The following RFC4 variants were observed in gnomAD, a reference collection of about 807,000 sequenced individuals.
RFC4 encodes the protein replication factor C subunit 4, also known as A1 37 kDa subunit.
Under a neutral mutation model 47.6 loss-of-function variants are expected in RFC4, and 38 were observed. The observed-to-expected ratio is 0.80, with a 90% CI of 0.62 to 1.05. The LOEUF (loss-of-function observed/expected upper bound fraction) is 1.05, where lower values mean the gene tolerates loss of function less well. Ranked by LOEUF, RFC4 falls within the 50% of genes least tolerant of loss-of-function variation. The pLI is 0.00. For synonymous variants in RFC4, 164 were observed against 150.0 expected (o/e 1.09, Z -0.68); for missense variants, 489 against 434.0 (o/e 1.13, Z -1.13).
In RFC4 at chr3:186,789,938, TTACAAAACCCCCCATCCAGATATATTCA is replaced by T. The variant is rs767424380; in HGVS notation, c.*3_*30del. 21 of 1,346,050 alleles carry T rather than the reference TTACAAAACCCCCCATCCAGATATATTCA, an allele frequency of 1.6e-5. No individual in the cohort carries two copies. The highest frequency in any genetic ancestry group is 2.2e-5 in the Non-Finnish European group (21 of 947,772). 83.4% of individuals were successfully genotyped at this position (1,346,050 alleles called of 1,614,324 possible). On this transcript the variant is annotated 3_prime_UTR_variant, in exon 11 of 11. Coordinates refer to ENST00000296273, the MANE Select transcript of RFC4 (RefSeq NM_002916.5). ...TTTATTTTTATTACAACTTCATTAT[TTACAAAACCCCCCATCCAGATATATTCA>T]CGTTAACAATTCTGAGATAACTGCT... is the stretch of plus-strand genomic sequence containing the variant.
chr3:186,790,541 G>A lies in RFC4; in HGVS notation c.802-135C>T. ...ATACTTTCCTGGGAAGGCTTTGGGAGAACGGAAAGGGCCAGAGTAACTCCA... is the reference window on the plus strand; with the variant it reads ...ATACTTTCCTGGGAAGGCTTTGGGAAAACGGAAAGGGCCAGAGTAACTCCA... On this transcript the variant is annotated intron_variant, in intron 8 of 10. Coordinates refer to ENST00000296273, the MANE Select transcript of RFC4 (RefSeq NM_002916.5). The A allele has an allele frequency of 4.3e-6, 3 of 689,702 alleles. No individual in the cohort carries two copies. The South Asian group carries it at 4.9e-5, about 11-fold the overall frequency. The allele number at this position is 689,702 out of a possible 1,614,324, so 42.7% of individuals were successfully genotyped here.
rs758718131 is a variant in RFC4, at chr3:186,791,826, A to C, written c.700T>G (p.Ser234Ala). 2 of 1,612,544 alleles carry C rather than the reference A, an allele frequency of 1.2e-6. No homozygotes were observed. The highest frequency in any genetic ancestry group is 1.7e-6 in the Non-Finnish European group (2 of 1,178,716). ...ATGGCTTTTCTTAAGTCTCCTTCTGACACTTTAACAAGATAAGCTATTCCC... is the reference window on the plus strand; with the variant it reads ...ATGGCTTTTCTTAAGTCTCCTTCTGCCACTTTAACAAGATAAGCTATTCCC... ...DEGIAYLVKV[S>A]EGDLRKAITF... Residue 234 changes from serine to alanine, a missense_variant, in exon 8 of 11, where the codon TCA (serine) becomes GCA (alanine). This residue lies in a region of RFC4 where 283 missense variants were observed against 176.2 expected (regional missense o/e 1.61). Coordinates refer to ENST00000296273, the MANE Select transcript of RFC4 (RefSeq NM_002916.5).
At chr3:186,802,020 T>C (rs1393937900) in intron 2 of RFC4, among the ~76,000 whole-genome samples, 3 of 95,662 alleles carry the variant, frequency 3.1e-5, no homozygotes, top group African/African-American at 1.3e-4. Context: ...CGAAACTTTA[T>C]CTCAAAAAAA....
At chr3:186,792,782 G>C (rs1722169843) in intron 6 of RFC4, 22 bp downstream of exon 6, 1 of 1,591,804 alleles carries the variant, frequency 6.3e-7, no homozygotes, top group Non-Finnish European at 8.5e-7. Flanking sequence ...CCTAGCATCT[G>C]TCTTCAGGGC....
rs140029897 is a variant in RFC4 at position 186,798,479 on chromosome 3, C to A, written c.211-865G>T. ...CCCTCCCTCTTCCTGTCCATTCATT[C>A]TTCACCTAAATCAGATACCACTCTG... On this transcript the variant is annotated intron_variant, in intron 3 of 10. Transcript: ENST00000296273. Among the ~76,000 whole-genome samples the A allele has an allele frequency of 7.2e-5, 11 of 152,178 alleles. No homozygotes were observed. The East Asian group carries it at 2.1e-3, about 29-fold the overall frequency.
At chr3:186,797,668 A>G in intron 3 of RFC4, 54 bp from the exon 4 acceptor site, 1 of 1,277,504 alleles carries the variant, frequency 7.8e-7, no homozygotes, top group Non-Finnish European at 1.1e-6. Context: ...CAAATAGATG[A>G]AAAGGAAGAT....
chr3:186,801,531 G>GA (rs1722352532), intron 2 of RFC4: 1 of 205,394 alleles, frequency 4.9e-6, no homozygotes, highest in Non-Finnish European at 9.9e-6. Context: ...CTAACACAGT[G>GA]AAACCCCGTC....
intron 8 of RFC4, chr3:186,791,487 A>C (rs201967675): frequency 5.3e-4 from 249 of 472,460 alleles, no homozygotes; most frequent in East Asian, 3.8e-3. Context: ...AAAAAACAAA[A>C]AAACTAACAA....
At chr3:186,794,217 A>G (rs1324867648) in intron 5 of RFC4, among the ~76,000 whole-genome samples, 1 of 152,264 alleles carries the variant, frequency 6.6e-6, no homozygotes, top group Non-Finnish European at 1.5e-5. Context: ...TGGCATTAAC[A>G]TAATTGTATG....
intron 3 of RFC4, among the ~76,000 whole-genome samples, chr3:186,799,730 A>G (rs1352094411): frequency 2.0e-5 from 3 of 151,552 alleles, no homozygotes; most frequent in Admixed American, 1.3e-4. Flanking sequence ...AAAAAAAACA[A>G]AAAAACAAAA....
At chr3:186,800,639 T>C (rs1223659209) in intron 3 of RFC4, among the ~76,000 whole-genome samples, 1 of 152,234 alleles carries the variant, frequency 6.6e-6, no homozygotes, top group East Asian at 1.9e-4. Context: ...GAGAGAGCTA[T>C]AAGCAGAATT....
rs1390057298 is a variant in RFC4 at position 186,790,071 on chromosome 3, GAA to G, written c.997-9_997-8del. 6.2e-7 allele frequency: 1 copy of G among 1,612,260 alleles called. No individual in the cohort carries two copies. The highest frequency in any genetic ancestry group is 2.2e-5 in the East Asian group (1 of 44,842). On this transcript the variant is annotated splice_polypyrimidine_tract_variant and splice_region_variant and intron_variant, in intron 10 of 10. Transcript: ENST00000296273. ...CTAGGCATTTGTCAACTTCCTACGA[GAA>G]AAATTTAAGAAATTAGCATCCTTCA...
chr3:186,790,466 G>A (rs997805006), intron 8 of RFC4, 60 bp from the exon 9 acceptor site: 8 of 1,184,308 alleles, frequency 6.8e-6, no homozygotes, highest in Non-Finnish European at 1.0e-5. Flanking sequence ...CATACACTCT[G>A]CCAACTGGCC....
chr3:186,791,466 T>C, intron 8 of RFC4: 1 of 415,366 alleles, frequency 2.4e-6, no homozygotes, highest in South Asian at 2.2e-5. Flanking sequence ...CAAGACTCTG[T>C]CTCAAAAAAA....
intron 7 of RFC4, 111 bp from the exon 8 acceptor site, chr3:186,791,961 G>A: frequency 7.6e-6 from 7 of 919,192 alleles, no homozygotes; most frequent in South Asian, 6.9e-5. Flanking sequence ...TAGAGTTAAT[G>A]AGAAAAAACA....
chr3:186,793,485 A>G lies in RFC4; in HGVS notation c.411-538T>C, dbSNP rs1027419639. On this transcript the variant is annotated intron_variant, in intron 5 of 10. Transcript: ENST00000296273. This position sits in a 1 kb window ranked among gnomAD's most constrained non-coding sequence, Gnocchi z 4.2. ...TTTGTGTACATGTTTTTGAGCAGACATGTCTTCCAAGAGGCTGTACCATTT... is the reference window on the plus strand; with the variant it reads ...TTTGTGTACATGTTTTTGAGCAGACGTGTCTTCCAAGAGGCTGTACCATTT... Among the ~76,000 whole-genome samples the G allele has an allele frequency of 2.0e-5, 3 of 152,212 alleles. No individual in the cohort carries two copies. The highest frequency in any genetic ancestry group is 2.0e-4 in the Admixed American group (3 of 15,276).
intron 8 of RFC4, 53 bp from the exon 9 acceptor site, chr3:186,790,459 ACAC>A: frequency 1.2e-5 from 15 of 1,238,498 alleles, no homozygotes; most frequent in Non-Finnish European, 1.8e-5. Context: ...GACTAGACAT[ACAC>A]TCTGCCAACT....
rs1029799875 is a variant in RFC4 at position 186,793,702 on chromosome 3, G to A, written c.411-755C>T. Among the ~76,000 whole-genome samples the A allele has an allele frequency of 4.0e-5, 6 of 151,510 alleles. No homozygotes were observed. The East Asian group carries it at 5.8e-4, about 15-fold the overall frequency. ...TTTAATGTGCTTATTACACATGCAC[G>A]AAATGTCTATGCAGATCCTTTGCCT... On this transcript the variant is annotated intron_variant, in intron 5 of 10. Coordinates refer to ENST00000296273, the MANE Select transcript of RFC4 (RefSeq NM_002916.5). This position sits in a 1 kb window ranked among gnomAD's most constrained non-coding sequence, Gnocchi z 4.2.
intron 10 of RFC4, 30 bp from the exon 11 acceptor site, chr3:186,790,094 C>G: frequency 5.6e-6 from 9 of 1,606,056 alleles, no homozygotes; most frequent in Non-Finnish European, 6.8e-6. Flanking sequence ...AATTAGCATC[C>G]TTCAGGTAGT....
Sources: gnomAD v4.1 joint callset for allele counts (sites outside exome capture counted in the v4.1 genomes callset) on GRCh38, gnomAD v4.1.1 for gene constraint, gnomAD v4.1.1 regional missense constraint, Gnocchi (gnomAD v3.1) non-coding constraint, MANE v1.5 for transcripts, NCBI Gene and HGNC (gene_info 2026-07-23, HGNC 2026-07-21) for gene names.